RABEPK: variants seen among roughly 807,000 people sequenced by gnomAD.
The protein encoded by RABEPK is 40 kDa Rab9 effector protein.
RABEPK carries 27 observed loss-of-function variants against 34.1 expected under a neutral mutation model. That is an observed-to-expected ratio of 0.79 (90% CI 0.58 to 1.09). The LOEUF (loss-of-function observed/expected upper bound fraction) is 1.09. Among genes scored for constraint, RABEPK ranks in the 50% least tolerant of loss-of-function variants. RABEPK has a pLI of 0.00. For synonymous variants in RABEPK, 172 were observed against 169.2 expected (o/e 1.02, Z -0.13); for missense variants, 449 against 462.6 (o/e 0.97, Z 0.27).
At chr9:125,201,540 G>A (rs1829902401) in intron 1 of RABEPK, among the ~76,000 whole-genome samples, 1 of 152,142 alleles carries the variant, frequency 6.6e-6, no homozygotes, top group South Asian at 2.1e-4. Flanking sequence ...CTTTTTAGGA[G>A]GCTGAGGTGG....
rs13302273 is a variant in RABEPK at position 125,207,586 on chromosome 9, G to A, written c.76G>A (p.Asp26Asn). The A allele has an allele frequency of 6.2e-7, 1 of 1,614,094 alleles. No individual in the cohort carries two copies. Among genetic ancestry groups the A allele is most frequent in the East Asian group, 2.2e-5 (1 of 44,880 alleles). ...ATWYTLTVPG[D>N]SPCARVGHSC... is the part of the protein sequence containing the mutation. ...CAGGTACACCTTGACTGTCCCTGGA[G>A]ACAGCCCCTGTGCTCGAGTTGGCCA... The change falls in exon 3 of 8, where the codon GAC becomes AAC. Residue 26 changes from aspartate to asparagine, a missense_variant. Transcript: ENST00000373538.
chr9:125,215,695 A>C (rs1057059554), intron 4 of RABEPK, among the ~76,000 whole-genome samples: 1 of 152,114 alleles, frequency 6.6e-6, no homozygotes, highest in Non-Finnish European at 1.5e-5. Context: ...ATGAACATTT[A>C]GTTCTTTTCA....
intron 6 of RABEPK, among the ~76,000 whole-genome samples, chr9:125,229,389 C>A (rs1322066816): frequency 1.3e-5 from 2 of 152,094 alleles, no homozygotes; most frequent in African/African-American, 4.8e-5. Context: ...GCTGATTGCA[C>A]CCCTGCACTC....
chr9:125,232,945 G>A (rs898413983), intron 7 of RABEPK, among the ~76,000 whole-genome samples, 200 bp downstream of exon 7: 4 of 151,846 alleles, frequency 2.6e-5, no homozygotes, highest in South Asian at 2.1e-4. Context: ...GCGTGGTGGC[G>A]GGCGCCTGTA....
chr9:125,216,218 T>C (rs768089326), intron 4 of RABEPK, among the ~76,000 whole-genome samples: 8 of 152,086 alleles, frequency 5.3e-5, no homozygotes, highest in Middle Eastern at 6.8e-3. Flanking sequence ...GCTTGAACCC[T>C]GGAGGCAGAG....
intron 4 of RABEPK, 132 bp downstream of exon 4, chr9:125,213,654 CAT>C: frequency 2.5e-6 from 2 of 798,930 alleles, no homozygotes; most frequent in East Asian, 2.8e-5. Context: ...ACTTTGCTGA[CAT>C]AGAAAATAGG....
intron 2 of RABEPK, among the ~76,000 whole-genome samples, chr9:125,207,082 T>A (rs1830272294): frequency 7.1e-6 from 1 of 140,228 alleles, no homozygotes; most frequent in African/African-American, 2.6e-5. Flanking sequence ...AGAGCAAAAC[T>A]CCATCTTAAA....
rs139671058 is a variant in RABEPK, at chr9:125,228,637, C to G, written c.676+578C>G. On this transcript the variant is annotated intron_variant, in intron 6 of 7. Transcript: ENST00000373538. The stretch of plus-strand genomic sequence containing the variant: ...TTACGCCACTGCACTCCAGCCTGGG[C>G]CACAGAGCAAGACTCCATCTCCAAA... Among the ~76,000 whole-genome samples the G allele has an allele frequency of 5.9e-3, 867 of 148,088 alleles. 9 individuals are homozygous for G. Among genetic ancestry groups the G allele is most frequent in the African/African-American group, 0.02 (810 of 40,134 alleles).
rs1254204084 is a variant in RABEPK at position 125,207,608 on chromosome 9, G to A, written c.98G>A (p.Gly33Asp). Residue 33 changes from glycine to aspartate, a missense_variant, in exon 3 of 8, where the codon GGC (glycine) becomes GAC (aspartate). By Grantham distance (94) the Gly-to-Asp change is moderately conservative (BLOSUM62 -1). Coordinates refer to ENST00000373538, the MANE Select transcript of RABEPK (RefSeq NM_005833.4). ...VPGDSPCARV[G>D]HSCSYLPPVG... ...GGAGACAGCCCCTGTGCTCGAGTTG[G>A]CCACAGCTGTTCATATTTACCCCCA... The A allele has an allele frequency of 3.1e-6, 5 of 1,614,094 alleles. No individual in the cohort carries two copies. The highest frequency in any genetic ancestry group is 3.3e-4 in the Middle Eastern group (2 of 6,062).
intron 3 of RABEPK, among the ~76,000 whole-genome samples, chr9:125,212,745 A>C (rs946094448): frequency 1.3e-5 from 2 of 149,970 alleles, no homozygotes; most frequent in Admixed American, 6.7e-5. Flanking sequence ...CGCTTGGTTT[A>C]CCAAGTAAAA....
At chr9:125,208,900 G>A (rs1014618335) in intron 3 of RABEPK, among the ~76,000 whole-genome samples, 19 of 151,990 alleles carry the variant, frequency 1.3e-4, no homozygotes, top group African/African-American at 4.8e-5. Context: ...CCAAGCCACT[G>A]TTATCTCTCA....
intron 6 of RABEPK, among the ~76,000 whole-genome samples, chr9:125,231,587 G>T (rs1413587079): frequency 6.6e-6 from 1 of 152,046 alleles, no homozygotes; most frequent in African/African-American, 2.4e-5. Context: ...TGGATCACGA[G>T]GTCAGGAGTT....
chr9:125,206,263 G>A (rs1830219427), intron 2 of RABEPK, among the ~76,000 whole-genome samples: 1 of 152,172 alleles, frequency 6.6e-6, no homozygotes, highest in African/African-American at 2.4e-5. Flanking sequence ...AGCACTTAGG[G>A]AGACCAGGGC....
chr9:125,227,324 G>A (rs563570674), intron 5 of RABEPK, among the ~76,000 whole-genome samples: 19 of 152,272 alleles, frequency 1.2e-4, no homozygotes, highest in Non-Finnish European at 2.8e-4. Context: ...TTATTTCATA[G>A]CGAGAAATGG....
intron 4 of RABEPK, among the ~76,000 whole-genome samples, chr9:125,219,796 T>A (rs1252498999): frequency 6.6e-6 from 1 of 152,114 alleles, no homozygotes; most frequent in Non-Finnish European, 1.5e-5. Context: ...TTTCCCAAAC[T>A]GCTGAGGTTA....
intron 3 of RABEPK, among the ~76,000 whole-genome samples, chr9:125,211,557 C>G (rs1470873143): frequency 6.6e-6 from 1 of 152,160 alleles, no homozygotes; most frequent in Non-Finnish European, 1.5e-5. Context: ...GTAGGCCTCC[C>G]TGTCTACATG....
chr9:125,224,618 A>G (rs936179924), intron 5 of RABEPK, among the ~76,000 whole-genome samples: 2 of 151,960 alleles, frequency 1.3e-5, no homozygotes, highest in Admixed American at 1.3e-4. Flanking sequence ...ACGCCTGGCT[A>G]ATTTTTAAAA....
At position 125,213,591 on chromosome 9, in the gene RABEPK, A is replaced by G. The variant is rs1007554787; in HGVS notation, c.364+69A>G. On this transcript the variant is annotated intron_variant, in intron 4 of 7. Transcript: ENST00000373538. ...CTTTCATGCACACACACACACATAT[A>G]TATAAATCCAATTATAATTCCAGTA... 8 of 1,277,452 alleles carry G rather than the reference A, an allele frequency of 6.3e-6. No individual in the cohort carries two copies. In the African/African-American group the frequency reaches 1.2e-4, roughly 19 times the overall value. 79.1% of individuals were successfully genotyped at this position (1,277,452 alleles called of 1,614,324 possible).
At chr9:125,220,797 A>G (rs1831279031) in intron 5 of RABEPK, 97 bp downstream of exon 5, 1 of 1,376,090 alleles carries the variant, frequency 7.3e-7, no homozygotes, top group African/African-American at 1.5e-5. Flanking sequence ...AAGCCTGACT[A>G]AGTGTCTCAC....
Sources: allele counts gnomAD v4.1 joint callset (sites outside exome capture counted in the v4.1 genomes callset), GRCh38; gene constraint gnomAD v4.1.1; transcripts MANE v1.5; gene names NCBI Gene and HGNC (gene_info 2026-07-23, HGNC 2026-07-21).